The following NRXN1 variants were observed in gnomAD, a reference collection of about 807,000 sequenced individuals.
NRXN1 encodes neurexin-1.
NRXN1 carries 39 observed loss-of-function variants against 150.9 expected under a neutral mutation model. The observed-to-expected ratio is 0.26, with a 90% CI of 0.20 to 0.34. The LOEUF is 0.34. NRXN1 is among the 10% of genes least tolerant of loss of function. NRXN1 has a pLI of 1.00. For missense variants in NRXN1, 1,815 were observed against 1,949.9 expected (o/e 0.93, Z 1.30); for synonymous variants, 924 against 757.0 (o/e 1.22, Z -3.62).
chr2:50,909,473 G>A (rs546301513), intron 5 of NRXN1, among the ~76,000 whole-genome samples: 2 of 152,042 alleles, frequency 1.3e-5, no homozygotes, highest in South Asian at 4.1e-4. Context: ...TGATTTTTCT[G>A]ATTGTGGTAG....
chr2:51,028,009 G>A lies in NRXN1; in HGVS notation c.265C>T (p.Leu89=), dbSNP rs775208079. ...LELILTRGGR[L]QLSFSIFCAE... is the part of the protein sequence containing the mutation. ...CAGAAGATGGAGAAGCTGAGCTGCAGGCGGCCGCCGCGCGTCAGAATCAGC... is the reference window on the plus strand; with the variant it reads ...CAGAAGATGGAGAAGCTGAGCTGCAAGCGGCCGCCGCGCGTCAGAATCAGC... Residue 89 remains leucine, a synonymous_variant, in exon 2 of 23, where the codon CTG becomes TTG. Transcript: ENST00000401669. 1.3e-6 allele frequency: 2 copies of A among 1,599,484 alleles called. No homozygotes were observed. Among genetic ancestry groups the A allele is most frequent in the East Asian group, 2.2e-5 (1 of 44,778 alleles).
chr2:50,427,320 G>A (rs11125304), intron 17 of NRXN1, among the ~76,000 whole-genome samples: 80,261 of 150,438 alleles, frequency 0.53, 24,355 homozygotes, highest in East Asian at 0.92. Flanking sequence ...TAATTATACA[G>A]TAGTTTAACT....
At chr2:50,640,559 T>C (rs915536565) in intron 5 of NRXN1, among the ~76,000 whole-genome samples, 2 of 152,190 alleles carry the variant, frequency 1.3e-5, no homozygotes, top group Non-Finnish European at 2.9e-5. Context: ...AGCATCTGAT[T>C]TTAACTCTCA....
At chr2:50,510,834 T>C (rs1276963329) in intron 12 of NRXN1, among the ~76,000 whole-genome samples, 1 of 152,166 alleles carries the variant, frequency 6.6e-6, no homozygotes, top group Non-Finnish European at 1.5e-5. Context: ...ACAACGGGAC[T>C]GAATGCCCCC....
Position 50,908,362 on chromosome 2 carries a change from T to TACACACAC in NRXN1, c.832+13499_832+13506dup, listed in dbSNP as rs71404979. Among the ~76,000 whole-genome samples the TACACACAC allele has an allele frequency of 7.0e-3, 1,031 of 148,208 alleles. 4 individuals are homozygous for TACACACAC. The highest frequency in any genetic ancestry group is 0.015 in the South Asian group (70 of 4,702). On this transcript the variant is annotated intron_variant, in intron 5 of 22. Transcript: ENST00000401669. ...AAAAATACATACACACATTCACACA[T>TACACACAC]ACACACACACACACACACACACAAC...
intron 2 of NRXN1, among the ~76,000 whole-genome samples, chr2:50,964,329 C>T (rs898358077): frequency 6.6e-6 from 1 of 151,470 alleles, no homozygotes; most frequent in Non-Finnish European, 1.5e-5. Context: ...CAGGTGACCA[C>T]TAAAGCAATA....
intron 15 of NRXN1, among the ~76,000 whole-genome samples, chr2:50,473,053 A>C (rs1329088053): frequency 1.3e-5 from 2 of 151,746 alleles, no homozygotes; most frequent in Admixed American, 6.6e-5. Context: ...AAGTTCAGTA[A>C]ATTTCTTCTT....
intron 17 of NRXN1, among the ~76,000 whole-genome samples, chr2:50,299,305 A>G (rs1442755091): frequency 6.6e-6 from 1 of 152,058 alleles, no homozygotes; most frequent in Non-Finnish European, 1.5e-5. Flanking sequence ...TTAAGAATAC[A>G]TTTATCCCAT....
chr2:50,370,967 G>C (rs1203753945), intron 17 of NRXN1, among the ~76,000 whole-genome samples: 3 of 151,934 alleles, frequency 2.0e-5, no homozygotes, highest in African/African-American at 7.2e-5. Context: ...TAGTATCTGA[G>C]ATACTAAGGA....
intron 5 of NRXN1, among the ~76,000 whole-genome samples, chr2:50,658,270 C>A (rs1245124389): frequency 2.0e-5 from 3 of 151,844 alleles, no homozygotes; most frequent in Admixed American, 6.6e-5. Context: ...GAGGTAAAAG[C>A]AGGTGGGTGT....
intron 13 of NRXN1, among the ~76,000 whole-genome samples, chr2:50,500,596 G>T (rs949401495): frequency 5.3e-5 from 8 of 152,142 alleles, no homozygotes; most frequent in Non-Finnish European, 1.2e-4. Context: ...GATTTTTAAT[G>T]TTCTAATGAT....
chr2:50,766,847 A>C (rs1482922743), intron 5 of NRXN1, among the ~76,000 whole-genome samples: 1 of 152,102 alleles, frequency 6.6e-6, no homozygotes, highest in African/African-American at 2.4e-5. Flanking sequence ...AAAGCAATTT[A>C]GTAATTAGTG....
At chr2:50,257,806 T>C (rs922634269) in intron 17 of NRXN1, among the ~76,000 whole-genome samples, 7 of 151,938 alleles carry the variant, frequency 4.6e-5, no homozygotes, top group Admixed American at 6.6e-5. Context: ...AAAACAAATC[T>C]AGTAGCTAGT....
chr2:50,423,259 C>T (rs1520437), intron 17 of NRXN1, among the ~76,000 whole-genome samples: 45,897 of 151,912 alleles, frequency 0.3, 7,195 homozygotes, highest in East Asian at 0.39. Flanking sequence ...CCCTTAAAAA[C>T]AGGGATATAT....
At chr2:50,387,570 A>G (rs1044754579) in intron 17 of NRXN1, among the ~76,000 whole-genome samples, 2 of 152,166 alleles carry the variant, frequency 1.3e-5, no homozygotes, top group Non-Finnish European at 2.9e-5. Flanking sequence ...TCATACCTAA[A>G]TAGAGAACTT....
intron 21 of NRXN1, among the ~76,000 whole-genome samples, chr2:50,000,230 T>A (rs940507769): frequency 6.6e-6 from 1 of 152,228 alleles, no homozygotes; most frequent in Admixed American, 6.5e-5. Context: ...TGGCAGCTCA[T>A]TTGAATCTAC....
At chr2:50,079,493 C>T (rs1180827589) in intron 19 of NRXN1, among the ~76,000 whole-genome samples, 1 of 151,950 alleles carries the variant, frequency 6.6e-6, no homozygotes, top group East Asian at 1.9e-4. Context: ...TTGATCTTTG[C>T]TCTAGGCGAA....
At chr2:50,308,407 T>A (rs1211767883) in intron 17 of NRXN1, among the ~76,000 whole-genome samples, 1 of 152,132 alleles carries the variant, frequency 6.6e-6, no homozygotes, top group Admixed American at 6.6e-5. Flanking sequence ...TGCTTACTGC[T>A]GCCTTGAATT....
chr2:51,020,214 C>T (rs573499587), intron 2 of NRXN1, among the ~76,000 whole-genome samples: 1 of 151,736 alleles, frequency 6.6e-6, no homozygotes, highest in Non-Finnish European at 1.5e-5. Context: ...TAAAAGGTAC[C>T]TTTATCCCAA....
Sources: gnomAD v4.1 joint callset for allele counts (sites outside exome capture counted in the v4.1 genomes callset) on GRCh38, gnomAD v4.1.1 for gene constraint, MANE v1.5 for transcripts, NCBI Gene and HGNC (gene_info 2026-07-23, HGNC 2026-07-21) for gene names.